The following C1QTNF7 variants were observed in gnomAD, a reference collection of about 807,000 sequenced individuals.
The protein encoded by C1QTNF7 is complement C1q tumor necrosis factor-related protein 7.
Under a neutral mutation model 19.6 loss-of-function variants are expected in C1QTNF7, and 15 were observed. That is an observed-to-expected ratio of 0.76 (90% CI 0.51 to 1.18). C1QTNF7 has a LOEUF of 1.18. Among genes scored for constraint, C1QTNF7 ranks in the 50% most tolerant of loss-of-function variants. The pLI is 0.00. For missense variants in C1QTNF7, 324 were observed against 359.7 expected (o/e 0.90, Z 0.80); for synonymous variants, 142 against 137.5 (o/e 1.03, Z -0.23).
chr4:15,369,833 A>T (rs1172796469), intron 1 of C1QTNF7, among the ~76,000 whole-genome samples: 1 of 152,240 alleles, frequency 6.6e-6, no homozygotes, highest in African/African-American at 2.4e-5. Context: ...ATTTGACTGC[A>T]AGACTTCAAA....
At chr4:15,387,649 A>G (rs542238490) in intron 1 of C1QTNF7, among the ~76,000 whole-genome samples, 60 of 152,310 alleles carry the variant, frequency 3.9e-4, no homozygotes, top group Non-Finnish European at 6.9e-4. Context: ...GAGGAATGCA[A>G]TTGTAGAGAG....
At chr4:15,369,012 G>A (rs1717629975) in intron 1 of C1QTNF7, among the ~76,000 whole-genome samples, 1 of 152,192 alleles carries the variant, frequency 6.6e-6, no homozygotes, top group African/African-American at 2.4e-5. Context: ...AAAAAATTGA[G>A]TTACAGCCAG....
chr4:15,377,447 A>C (rs142853310), intron 1 of C1QTNF7, among the ~76,000 whole-genome samples: 9 of 152,284 alleles, frequency 5.9e-5, no homozygotes, highest in African/African-American at 2.2e-4. Flanking sequence ...AATTTGTGCA[A>C]CTCAATAGGA....
rs1712795004 is a variant in C1QTNF7, at chr4:15,442,261, A to G, written c.332A>G (p.Glu111Gly). The change falls in exon 3 of 3, where the codon GAG (glutamate) becomes GGG (glycine). Residue 111 changes from glutamate (E) to glycine (G), a missense_variant. Glu to Gly is a moderately conservative substitution (Grantham distance 98). Coordinates refer to ENST00000444304, the MANE Select transcript of C1QTNF7 (RefSeq NM_031911.5). The stretch of plus-strand genomic sequence containing the variant: ...AAAGGACCCATAGGACCAGAGGGAG[A>G]GAAAGGAGAAGTAGGTCCAATTGGT... ...GKKGPIGPEG[E>G]KGEVGPIGPP... 1 of 1,613,944 alleles carries G rather than the reference A, an allele frequency of 6.2e-7. No homozygotes were observed. Among genetic ancestry groups the G allele is most frequent in the Non-Finnish European group, 8.5e-7 (1 of 1,180,034 alleles).
intron 1 of C1QTNF7, among the ~76,000 whole-genome samples, chr4:15,377,564 A>G (rs1411602895): frequency 6.6e-6 from 1 of 152,206 alleles, no homozygotes; most frequent in Non-Finnish European, 1.5e-5. Flanking sequence ...GTTGAATATA[A>G]TATCTTCAAG....
At chr4:15,360,110 C>T (rs994459829) in intron 1 of C1QTNF7, among the ~76,000 whole-genome samples, 17 of 152,158 alleles carry the variant, frequency 1.1e-4, no homozygotes, top group Admixed American at 1.0e-3. Flanking sequence ...GTTCTATCCA[C>T]AGAAAAGGCC....
chr4:15,371,900 G>C (rs1717744890), intron 1 of C1QTNF7, among the ~76,000 whole-genome samples: 1 of 152,072 alleles, frequency 6.6e-6, no homozygotes, highest in South Asian at 2.1e-4. Flanking sequence ...ACAATGTCTT[G>C]CCTCCAGGCA....
chr4:15,371,235 C>A (rs750241773), intron 1 of C1QTNF7, among the ~76,000 whole-genome samples: 1 of 152,244 alleles, frequency 6.6e-6, no homozygotes, highest in African/African-American at 2.4e-5. Context: ...ACATTAACAA[C>A]CTCATTCTTG....
At chr4:15,372,537 T>C (rs1577241745) in intron 1 of C1QTNF7, among the ~76,000 whole-genome samples, 2 of 152,360 alleles carry the variant, frequency 1.3e-5, no homozygotes, top group South Asian at 4.1e-4. Context: ...AAGACTCTAC[T>C]AGAAAATTCT....
At chr4:15,405,383 C>T (rs997297053) in intron 1 of C1QTNF7, among the ~76,000 whole-genome samples, 1 of 152,194 alleles carries the variant, frequency 6.6e-6, no homozygotes, top group Non-Finnish European at 1.5e-5. Flanking sequence ...AAGGTGCCTG[C>T]TCATGCCTTA....
At chr4:15,365,778 A>T (rs1717493881) in intron 1 of C1QTNF7, among the ~76,000 whole-genome samples, 1 of 152,126 alleles carries the variant, frequency 6.6e-6, no homozygotes, top group South Asian at 2.1e-4. Flanking sequence ...GATAGGCTTC[A>T]CTAAGAGCAA....
Position 15,393,182 on chromosome 4 carries a change from C to T in C1QTNF7, c.14-42554C>T, listed in dbSNP as rs993527546. On this transcript the variant is annotated intron_variant, in intron 1 of 2. Coordinates refer to the C1QTNF7 transcript ENST00000295297. The stretch of plus-strand genomic sequence containing the variant: ...CTGTCTTGTCTGCCGCCATGTAAGA[C>T]ATGCCTTTTGCCTTCCACCATGATT... 4.6e-5 allele frequency among the ~76,000 whole-genome samples: 7 copies of T among 152,228 alleles called. No homozygotes were observed. In the East Asian group the frequency reaches 5.8e-4, roughly 13 times the overall value.
chr4:15,370,678 T>C (rs1377648533), intron 1 of C1QTNF7, among the ~76,000 whole-genome samples: 1 of 152,244 alleles, frequency 6.6e-6, no homozygotes, highest in Non-Finnish European at 1.5e-5. Context: ...TTTAGGTTTA[T>C]AAATAAAAGA....
intron 1 of C1QTNF7, among the ~76,000 whole-genome samples, chr4:15,413,740 G>A (rs576009576): frequency 1.3e-5 from 2 of 152,320 alleles, no homozygotes; most frequent in Non-Finnish European, 2.9e-5. Context: ...AAATGCATCA[G>A]CAAAGTTACA....
intron 1 of C1QTNF7, among the ~76,000 whole-genome samples, chr4:15,411,740 C>T (rs1242885829): frequency 6.6e-6 from 1 of 152,230 alleles, no homozygotes; most frequent in Non-Finnish European, 1.5e-5. Flanking sequence ...TATCACAAAC[C>T]TGGTGGAGCA....
chr4:15,442,040 A>G, intron 2 of C1QTNF7, 128 bp from the exon 3 acceptor site: 1 of 960,762 alleles, frequency 1.0e-6, no homozygotes, highest in East Asian at 2.6e-5. Flanking sequence ...AAAGTTTATT[A>G]TTTAGTAGTA....
chr4:15,393,985 G>C (rs949571511), intron 1 of C1QTNF7, among the ~76,000 whole-genome samples: 2 of 152,190 alleles, frequency 1.3e-5, no homozygotes, highest in African/African-American at 4.8e-5. Flanking sequence ...GGCAGAGGGG[G>C]TGTGTAGGGC....
chr4:15,439,079 T>C (rs182220616), intron 2 of C1QTNF7, among the ~76,000 whole-genome samples: 21 of 152,284 alleles, frequency 1.4e-4, no homozygotes, highest in Non-Finnish European at 2.9e-4. Context: ...GACTAACTCT[T>C]ACCCCCATAA....
intron 1 of C1QTNF7, among the ~76,000 whole-genome samples, chr4:15,389,353 A>C (rs1718467610): frequency 6.6e-6 from 1 of 152,146 alleles, no homozygotes; most frequent in South Asian, 2.1e-4. Context: ...TGGGGTCTAC[A>C]CAAACCATGA....
Sources: gnomAD v4.1 joint callset for allele counts (sites outside exome capture counted in the v4.1 genomes callset) on GRCh38, gnomAD v4.1.1 for gene constraint, MANE v1.5 for transcripts, NCBI Gene and HGNC (gene_info 2026-07-23, HGNC 2026-07-21) for gene names.